DPP10: variants seen among roughly 807,000 people sequenced by gnomAD.
DPP10 encodes the protein inactive dipeptidyl peptidase 10.
A neutral mutation model predicts 120.9 loss-of-function variants in DPP10; 33 were observed. That is an observed-to-expected ratio of 0.27 (90% CI 0.21 to 0.37). DPP10 has a LOEUF of 0.37. Ranked by LOEUF, DPP10 falls within the 10% of genes least tolerant of loss-of-function variation. The probability of loss-of-function intolerance (pLI) is 1.00; values close to 1 mark genes in which losing one functional copy is unlikely to be tolerated. For synonymous variants in DPP10, 337 were observed against 326.1 expected (o/e 1.03, Z -0.36); for missense variants, 816 against 942.8 (o/e 0.87, Z 1.76).
At chr2:115,774,205 C>T (rs1400961740) in intron 13 of DPP10, among the ~76,000 whole-genome samples, 2 of 57,070 alleles carry the variant, frequency 3.5e-5, no homozygotes, top group African/African-American at 8.5e-5. Context: ...CTTTAAAACA[C>T]ACATACACAC....
intron 1 of DPP10, among the ~76,000 whole-genome samples, chr2:114,558,495 CTT>C (rs1558879571): frequency 6.6e-6 from 1 of 152,218 alleles, no homozygotes; most frequent in Non-Finnish European, 1.5e-5. Flanking sequence ...AGGAGATAGT[CTT>C]TGAACAATCA....
chr2:114,687,524 T>C (rs1382377087), intron 1 of DPP10, among the ~76,000 whole-genome samples: 2 of 152,022 alleles, frequency 1.3e-5, no homozygotes, highest in African/African-American at 4.8e-5. Flanking sequence ...ATCTGAACCC[T>C]GACCTTGCAA....
chr2:114,883,517 A>G (rs925349614), intron 1 of DPP10, among the ~76,000 whole-genome samples: 2 of 152,176 alleles, frequency 1.3e-5, no homozygotes, highest in African/African-American at 4.8e-5. Context: ...CCATTGAAAC[A>G]TGCTCATTTC....
intron 19 of DPP10, among the ~76,000 whole-genome samples, chr2:115,805,552 C>G (rs1359339274): frequency 1.3e-5 from 2 of 151,398 alleles, no homozygotes; most frequent in African/African-American, 4.9e-5. Context: ...TGGAGCTGTT[C>G]CTATTCGGCC....
intron 1 of DPP10, among the ~76,000 whole-genome samples, chr2:115,033,237 G>T (rs973148534): frequency 6.6e-6 from 1 of 152,106 alleles, no homozygotes; most frequent in African/African-American, 2.4e-5. Flanking sequence ...GGAGAGTGAG[G>T]ATTAAACCAC....
At chr2:115,264,869 A>G (rs1266984870) in intron 1 of DPP10, among the ~76,000 whole-genome samples, 2 of 152,204 alleles carry the variant, frequency 1.3e-5, no homozygotes, top group Non-Finnish European at 2.9e-5. Flanking sequence ...GTTTTGGGCT[A>G]TGTAATAGTA....
rs183916969 is a variant in DPP10, at chr2:115,377,143, G to C, written c.271+33231G>C. Among the ~76,000 whole-genome samples, 7 of 152,092 alleles carry C rather than the reference G, an allele frequency of 4.6e-5. No individual in the cohort carries two copies. In the South Asian group the frequency reaches 1.2e-3, roughly 27 times the overall value. On this transcript the variant is annotated intron_variant, in intron 3 of 25. Coordinates refer to ENST00000410059, the MANE Select transcript of DPP10 (RefSeq NM_020868.6). ...AGTCGCCACACTGACTTCCACAATGGTTGAACTAGTTTACAGTCCCACCAA... is the reference window on the plus strand; with the variant it reads ...AGTCGCCACACTGACTTCCACAATGCTTGAACTAGTTTACAGTCCCACCAA...
At chr2:114,679,650 T>G (rs1348801206) in intron 1 of DPP10, among the ~76,000 whole-genome samples, 1 of 152,008 alleles carries the variant, frequency 6.6e-6, no homozygotes, top group Admixed American at 6.6e-5. Flanking sequence ...CATAATCCCT[T>G]TGATAATTAG....
intron 1 of DPP10, among the ~76,000 whole-genome samples, chr2:114,608,837 T>G (rs761802976): frequency 6.6e-6 from 1 of 151,830 alleles, no homozygotes; most frequent in Non-Finnish European, 1.5e-5. Context: ...GAGCTAAATA[T>G]TGGGTAGTTA....
intron 1 of DPP10, among the ~76,000 whole-genome samples, chr2:114,650,275 A>G (rs879636988): frequency 3.3e-5 from 5 of 152,058 alleles, no homozygotes; most frequent in Admixed American, 2.6e-4. Flanking sequence ...GAGTGAGAAA[A>G]ATTAGAGATG....
intron 5 of DPP10, among the ~76,000 whole-genome samples, chr2:115,667,808 C>G (rs1055723071): frequency 6.6e-6 from 1 of 151,592 alleles, no homozygotes; most frequent in Non-Finnish European, 1.5e-5. Flanking sequence ...ATTTCTAGCA[C>G]TTTTATTTCC....
At chr2:115,577,250 G>A (rs1415672082) in intron 5 of DPP10, among the ~76,000 whole-genome samples, 2 of 152,160 alleles carry the variant, frequency 1.3e-5, no homozygotes, top group Non-Finnish European at 2.9e-5. Flanking sequence ...CCTGCCTAGG[G>A]TTCCGTAGAG....
chr2:114,768,496 G>A (rs1015605673), intron 1 of DPP10, among the ~76,000 whole-genome samples: 6 of 152,176 alleles, frequency 3.9e-5, no homozygotes, highest in African/African-American at 1.4e-4. Context: ...GTGTTAAAGT[G>A]TTTTAAAGTA....
chr2:115,730,040 A>G (rs905638241), intron 8 of DPP10, among the ~76,000 whole-genome samples: 2 of 152,136 alleles, frequency 1.3e-5, no homozygotes, highest in African/African-American at 4.8e-5. Flanking sequence ...TGGAATTTCA[A>G]TTATTTTCCT....
chr2:115,758,349 C>T (rs772234350), intron 11 of DPP10, among the ~76,000 whole-genome samples: 1 of 151,986 alleles, frequency 6.6e-6, no homozygotes, highest in South Asian at 2.1e-4. Context: ...AGTTAAAATA[C>T]CACTAAAACC....
At chr2:114,579,397 A>T (rs1285350895) in intron 1 of DPP10, among the ~76,000 whole-genome samples, 1 of 152,146 alleles carries the variant, frequency 6.6e-6, no homozygotes, top group Non-Finnish European at 1.5e-5. Flanking sequence ...ATGTACTGTA[A>T]TGGTAATCAT....
At chr2:115,591,429 T>C (rs1216244440) in intron 5 of DPP10, among the ~76,000 whole-genome samples, 4 of 152,222 alleles carry the variant, frequency 2.6e-5, no homozygotes, top group Non-Finnish European at 5.9e-5. Context: ...CCTCATTTCT[T>C]GTTTTTGTCA....
At chr2:114,516,257 T>G (rs1266255732) in intron 1 of DPP10, among the ~76,000 whole-genome samples, 1 of 152,238 alleles carries the variant, frequency 6.6e-6, no homozygotes, top group East Asian at 1.9e-4. Flanking sequence ...CAGGCTGTTA[T>G]GGGCAAATTC....
intron 1 of DPP10, among the ~76,000 whole-genome samples, chr2:114,631,189 G>C (rs1053915657): frequency 2.0e-5 from 3 of 152,164 alleles, no homozygotes; most frequent in Non-Finnish European, 4.4e-5. Context: ...AAAGAGACCT[G>C]TGTTGAATGC....
Sources: allele counts gnomAD v4.1 joint callset (sites outside exome capture counted in the v4.1 genomes callset), GRCh38; gene constraint gnomAD v4.1.1; transcripts MANE v1.5; gene names NCBI Gene and HGNC (gene_info 2026-07-23, HGNC 2026-07-21).